TTLL9: variants seen among roughly 807,000 people sequenced by gnomAD.
The protein encoded by TTLL9 is probable tubulin polyglutamylase TTLL9.
Under a neutral mutation model 65.6 loss-of-function variants are expected in TTLL9, and 47 were observed. The observed-to-expected ratio is 0.72, with a 90% CI of 0.57 to 0.91. The LOEUF (loss-of-function observed/expected upper bound fraction) is 0.91, where lower values mean the gene tolerates loss of function less well. TTLL9 is among the 40% of genes least tolerant of loss of function. The probability of loss-of-function intolerance (pLI) is 0.00; values close to 1 mark genes in which losing one functional copy is unlikely to be tolerated. For missense variants in TTLL9, 537 were observed against 568.8 expected (o/e 0.94, Z 0.57); for synonymous variants, 179 against 204.8 (o/e 0.87, Z 1.07).
intron 3 of TTLL9, among the ~76,000 whole-genome samples, chr20:31,890,161 CTTTCTTTCT>C (rs2063282847): frequency 4.5e-5 from 5 of 109,912 alleles, no homozygotes; most frequent in Non-Finnish European, 9.1e-5. Context: ...TTCCTTCTTT[CTTTCTTTCT>C]TTCTTTCTTT....
At chr20:31,925,775 C>T (rs751561161) in intron 9 of TTLL9, 219 of 1,118,376 alleles carry the variant, frequency 2.0e-4, no homozygotes, top group Non-Finnish European at 2.5e-4. Flanking sequence ...AAGGGCACTC[C>T]GGGTGGAGGA....
Position 31,933,828 on chromosome 20 carries a change from A to G in TTLL9, c.777A>G (p.Gln259=). 6.2e-7 allele frequency: 1 copy of G among 1,614,142 alleles called. No individual in the cohort carries two copies. The highest frequency in any genetic ancestry group is 8.5e-7 in the Non-Finnish European group (1 of 1,179,992). ...TTCACCTCACCAACGTGGCTGTGCA[A>G]AAAACATCTCCCGACTACCACCCAA... is the stretch of plus-strand genomic sequence containing the variant. The part of the protein sequence containing the change: ...QDVHLTNVAV[Q]KTSPDYHPKK... Residue 259 remains glutamine (Q), a synonymous_variant, in exon 11 of 15, where the codon CAA becomes CAG. Transcript: ENST00000535842.
intron 8 of TTLL9, among the ~76,000 whole-genome samples, chr20:31,924,777 A>G (rs2063870406): frequency 6.6e-6 from 1 of 151,950 alleles, no homozygotes; most frequent in African/African-American, 2.4e-5. Context: ...GAGTCTCACT[A>G]TGTTGCTCAG....
Position 31,943,361 on chromosome 20 carries a change from T to C in TTLL9, c.*340T>C. 2.8e-6 allele frequency: 1 copy of C among 357,762 alleles called. No individual in the cohort carries two copies. Among genetic ancestry groups the C allele is most frequent in the South Asian group, 2.7e-5 (1 of 37,488 alleles). 22.2% of individuals were successfully genotyped at this position (357,762 alleles called of 1,614,324 possible). On this transcript the variant is annotated 3_prime_UTR_variant, in exon 15 of 15. Transcript: ENST00000535842. ...CTAATAAATGAGCACAGGCCCTACT[T>C]GGAGTCACTGGGCACCAGGCCTGGT...
intron 3 of TTLL9, among the ~76,000 whole-genome samples, chr20:31,895,436 G>A (rs921081154): frequency 6.6e-6 from 1 of 152,234 alleles, no homozygotes; most frequent in African/African-American, 2.4e-5. Flanking sequence ...CATGTGGGAA[G>A]CTGTGGTTTG....
Position 31,943,614 on chromosome 20 carries a change from A to G in TTLL9, c.*593A>G. ...TTCTCCTTGCATGTCAGGGGAGCCC[A>G]TGGGGCTCCCTGACCATCATCTGAA... is the stretch of plus-strand genomic sequence containing the variant. On this transcript the variant is annotated 3_prime_UTR_variant, in exon 15 of 15. Transcript: ENST00000535842. The G allele has an allele frequency of 2.5e-6, 1 of 398,524 alleles. No homozygotes were observed. The highest frequency in any genetic ancestry group is 1.8e-5 in the South Asian group (1 of 55,712). 24.7% of individuals were successfully genotyped at this position (398,524 alleles called of 1,614,324 possible). A position where few individuals can be genotyped will look rare whatever the true frequency, so the allele number is the denominator to read the frequency against.
intron 3 of TTLL9, among the ~76,000 whole-genome samples, chr20:31,890,071 G>T (rs6061019): frequency 0.55 from 45,628 of 82,830 alleles, 9,444 homozygotes; most frequent in Middle Eastern, 0.62. Context: ...TTTCTTTCTT[G>T]CTTTCTTGCT....
chr20:31,881,598 A>G (rs931047490), intron 2 of TTLL9, among the ~76,000 whole-genome samples: 1 of 145,552 alleles, frequency 6.9e-6, no homozygotes, highest in African/African-American at 2.6e-5. Flanking sequence ...TGGGACACAT[A>G]TAACTTTTTT....
intron 3 of TTLL9, 50 bp from the exon 4 acceptor site, chr20:31,898,423 C>A: frequency 6.4e-7 from 1 of 1,551,612 alleles, no homozygotes; most frequent in Non-Finnish European, 8.9e-7. Context: ...CTTGCGCCAT[C>A]CTAGGAAAAT....
intron 4 of TTLL9, chr20:31,901,525 G>A (rs1353259737): frequency 6.6e-6 from 1 of 152,144 alleles, no homozygotes; most frequent in East Asian, 1.9e-4. Context: ...TGAACTTTTG[G>A]TATCAGAATA....
At chr20:31,876,937 G>A (rs747521555) in intron 2 of TTLL9, among the ~76,000 whole-genome samples, 6 of 152,106 alleles carry the variant, frequency 3.9e-5, no homozygotes, top group Non-Finnish European at 5.9e-5. Context: ...TATAGTTGAT[G>A]TATTTCAAAT....
chr20:31,877,116 C>A (rs6089103), intron 2 of TTLL9, among the ~76,000 whole-genome samples: 21,909 of 152,084 alleles, frequency 0.14, 1,911 homozygotes, highest in Non-Finnish European at 0.19. Context: ...GAGCACCAAT[C>A]CTTTGTTATA....
intron 4 of TTLL9, among the ~76,000 whole-genome samples, chr20:31,900,307 T>C (rs2063459146): frequency 6.6e-6 from 1 of 152,174 alleles, no homozygotes; most frequent in Admixed American, 6.5e-5. Context: ...TCATCCCCAT[T>C]TTACTAATGA....
At chr20:31,875,535 TAATGCTCTTCTTTCTGCCTGG>T (rs1353864278) in intron 2 of TTLL9, among the ~76,000 whole-genome samples, 1 of 152,214 alleles carries the variant, frequency 6.6e-6, no homozygotes, top group African/African-American at 2.4e-5. Flanking sequence ...CAACTTCGCC[TAATGCTCTTCTTTCTGCCTGG>T]AATGCTCTTC....
At chr20:31,893,473 T>C (rs2063337107) in intron 3 of TTLL9, among the ~76,000 whole-genome samples, 1 of 152,054 alleles carries the variant, frequency 6.6e-6, no homozygotes, top group Non-Finnish European at 1.5e-5. Flanking sequence ...GTATTTTTAG[T>C]AGAGACCAGA....
chr20:31,930,792 T>C (rs1015325611), intron 10 of TTLL9, among the ~76,000 whole-genome samples: 4 of 152,220 alleles, frequency 2.6e-5, no homozygotes. Context: ...CTCTGTGGAT[T>C]TATTTTGATT....
chr20:31,930,001 G>C (rs185171013), intron 10 of TTLL9, among the ~76,000 whole-genome samples: 8 of 152,078 alleles, frequency 5.3e-5, no homozygotes, highest in Non-Finnish European at 1.2e-4. Flanking sequence ...GGTGGCAGGC[G>C]CCTGTAATCC....
chr20:31,929,188 G>T (rs1300976033), intron 10 of TTLL9, among the ~76,000 whole-genome samples: 1 of 152,176 alleles, frequency 6.6e-6, no homozygotes, highest in Non-Finnish European at 1.5e-5. Flanking sequence ...GAGCCACCGT[G>T]CCCAGCCTCA....
chr20:31,938,901 C>A (rs1352257307), intron 13 of TTLL9, among the ~76,000 whole-genome samples: 3 of 151,372 alleles, frequency 2.0e-5, no homozygotes, highest in African/African-American at 2.4e-5. Context: ...AACAAACAAA[C>A]AAAAAAAACA....
Sources: gnomAD v4.1 joint callset for allele counts (sites outside exome capture counted in the v4.1 genomes callset) on GRCh38, gnomAD v4.1.1 for gene constraint, MANE v1.5 for transcripts, NCBI Gene and HGNC (gene_info 2026-07-23, HGNC 2026-07-21) for gene names.